Variants in ADAM32 observed in about 807,000 individuals in gnomAD.
ADAM32 encodes the protein ADAM metallopeptidase domain 32, also known as disintegrin and metalloproteinase domain-containing protein 32.
In ADAM32, 89 loss-of-function variants were observed where a neutral mutation model predicts 114.9. The observed-to-expected ratio is 0.77, with a 90% CI of 0.65 to 0.92. ADAM32 has a LOEUF of 0.92. Ranked by LOEUF, ADAM32 falls within the 40% of genes least tolerant of loss-of-function variation. ADAM32 has a pLI of 0.00. For synonymous variants in ADAM32, 285 were observed against 307.5 expected, an observed-to-expected ratio of 0.93 and a Z score of 0.77; for missense variants, 870 against 932.8, an observed-to-expected ratio of 0.93 and a Z score of 0.88.
intron 10 of ADAM32, among the ~76,000 whole-genome samples, chr8:39,185,863 C>T (rs1806203271): frequency 6.6e-6 from 1 of 151,370 alleles, no homozygotes; most frequent in Non-Finnish European, 1.5e-5. Context: ...ACTAATGTTC[C>T]AGCTATCGTC....
chr8:39,250,456 C>T (rs1811218008), intron 17 of ADAM32, among the ~76,000 whole-genome samples: 1 of 151,892 alleles, frequency 6.6e-6, no homozygotes, highest in Non-Finnish European at 1.5e-5. Flanking sequence ...TATCTGTCTG[C>T]CTACACTGCC....
At chr8:39,247,376 G>A (rs184281618) in intron 17 of ADAM32, among the ~76,000 whole-genome samples, 507 of 152,164 alleles carry the variant, frequency 3.3e-3, no homozygotes, top group Middle Eastern at 6.8e-3. Flanking sequence ...TGTTGTCAGT[G>A]TTTTGGATTT....
chr8:39,258,662 G>A (rs900612277), intron 19 of ADAM32, among the ~76,000 whole-genome samples: 1 of 152,078 alleles, frequency 6.6e-6, no homozygotes, highest in African/African-American at 2.4e-5. Flanking sequence ...CTTGATATGT[G>A]TCCTCCAATG....
intron 11 of ADAM32, among the ~76,000 whole-genome samples, chr8:39,193,282 G>A (rs1035823211): frequency 1.3e-5 from 2 of 152,056 alleles, no homozygotes; most frequent in African/African-American, 2.4e-5. Context: ...CCTTGGCTTG[G>A]TCTGTTCTGC....
chr8:39,129,891 T>G (rs1292956504), intron 2 of ADAM32: 1 of 421,436 alleles, frequency 2.4e-6, no homozygotes, highest in South Asian at 1.7e-5. Context: ...TGTTTCTTTT[T>G]AGAAATTTAT....
rs557402203 is a variant in ADAM32, at chr8:39,187,814, CTTT to C, written c.1052+771_1052+773del. ...TTAAATGGGAATAATTATGCCTATT[CTTT>C]TATTTCACAGGGTGATGTAAGAATA... On this transcript the variant is annotated intron_variant, in intron 11 of 24. Coordinates refer to ENST00000379907, the MANE Select transcript of ADAM32 (RefSeq NM_145004.7). Among the ~76,000 whole-genome samples the C allele has an allele frequency of 3.2e-3, 480 of 152,024 alleles. 1 individual carries two copies. Among genetic ancestry groups the C allele is most frequent in the African/African-American group, 0.011 (455 of 41,470 alleles).
rs142103322 is a variant in ADAM32, at chr8:39,226,166, A to G, written c.1525+2928A>G. On this transcript the variant is annotated intron_variant, in intron 14 of 24. Coordinates refer to ENST00000379907, the MANE Select transcript of ADAM32 (RefSeq NM_145004.7). ...GAAAGATCTGTGAACTTGCAAACAG[A>G]TTACTTGTATATATACAACTAGAGG... Among the ~76,000 whole-genome samples, 458 of 152,270 alleles carry G rather than the reference A, an allele frequency of 3.0e-3. 5 individuals carry two copies. The highest frequency in any genetic ancestry group is 0.017 in the South Asian group (83 of 4,826).
chr8:39,201,932 A>G (rs1807450677), intron 11 of ADAM32, among the ~76,000 whole-genome samples: 1 of 152,146 alleles, frequency 6.6e-6, no homozygotes, highest in Non-Finnish European at 1.5e-5. Flanking sequence ...GATTACATTT[A>G]TTGATTTGCA....
chr8:39,190,104 G>A (rs1414194284), intron 11 of ADAM32, among the ~76,000 whole-genome samples: 1 of 152,186 alleles, frequency 6.6e-6, no homozygotes, highest in African/African-American at 2.4e-5. Context: ...ATCTTTATGA[G>A]TTAAACTTTT....
chr8:39,273,281 G>A (rs915104403), intron 20 of ADAM32, among the ~76,000 whole-genome samples: 7 of 152,022 alleles, frequency 4.6e-5, no homozygotes, highest in African/African-American at 1.2e-4. Context: ...TGAGGCGGGC[G>A]GATCACCTGA....
chr8:39,130,879 T>C, intron 2 of ADAM32: 2 of 457,076 alleles, frequency 4.4e-6, no homozygotes, highest in South Asian at 3.1e-5. Flanking sequence ...TAGTAGTCAG[T>C]TAGCTTGTGT....
chr8:39,168,384 A>G (rs1804980757), intron 9 of ADAM32: 1 of 152,082 alleles, frequency 6.6e-6, no homozygotes. Flanking sequence ...TCCAGTAGAT[A>G]CCCTCAAGGA....
chr8:39,240,547 C>A (rs1810490513), intron 16 of ADAM32, among the ~76,000 whole-genome samples: 1 of 152,160 alleles, frequency 6.6e-6, no homozygotes, highest in Non-Finnish European at 1.5e-5. Context: ...ATAGACATAC[C>A]TGAGACTGGG....
At chr8:39,187,523 G>A (rs977554295) in intron 11 of ADAM32, among the ~76,000 whole-genome samples, 4 of 152,090 alleles carry the variant, frequency 2.6e-5, no homozygotes, top group East Asian at 1.9e-4. Flanking sequence ...CGCCCGCCTC[G>A]GCCTCCCAAA....
intron 16 of ADAM32, 143 bp from the exon 17 acceptor site, chr8:39,245,939 CT>C: frequency 1.6e-6 from 1 of 630,564 alleles, no homozygotes; most frequent in Non-Finnish European, 2.8e-6. Flanking sequence ...AAACACCCTT[CT>C]GGAATGCAGC....
intron 10 of ADAM32, among the ~76,000 whole-genome samples, chr8:39,174,788 T>G (rs1298417423): frequency 1.4e-5 from 2 of 143,448 alleles, no homozygotes; most frequent in Non-Finnish European, 3.1e-5. Context: ...GTATGGCCAT[T>G]TTCATGATAT....
chr8:39,284,017 G>GC (rs1384030375), intron 24 of ADAM32, among the ~76,000 whole-genome samples: 2 of 151,924 alleles, frequency 1.3e-5, no homozygotes, highest in East Asian at 3.9e-4. Context: ...CAGGTGATCT[G>GC]CCCCCCTCAG....
At chr8:39,221,211 T>C (rs1173615970) in intron 12 of ADAM32, 1 of 157,754 alleles carries the variant, frequency 6.3e-6, no homozygotes, top group Non-Finnish European at 1.4e-5. Flanking sequence ...TTTTATCTAA[T>C]ATAAATATAG....
chr8:39,170,126 A>C, intron 10 of ADAM32, 129 bp downstream of exon 10: 2 of 642,198 alleles, frequency 3.1e-6, no homozygotes, highest in Non-Finnish European at 5.0e-6. Context: ...ATTACTGTTA[A>C]AATTTTTAAG....
Sources: gnomAD v4.1 joint callset for allele counts (sites outside exome capture counted in the v4.1 genomes callset) on GRCh38, gnomAD v4.1.1 for gene constraint, MANE v1.5 for transcripts, NCBI Gene and HGNC (gene_info 2026-07-23, HGNC 2026-07-21) for gene names.